Variants in BMPR2 observed in about 807,000 individuals in gnomAD.
BMPR2 encodes bone morphogenetic protein receptor type-2.
BMPR2 carries 29 observed loss-of-function variants against 100.8 expected under a neutral mutation model. That is an observed-to-expected ratio of 0.29 (90% confidence interval 0.21 to 0.39). The LOEUF (loss-of-function observed/expected upper bound fraction) is 0.39, where lower values mean the gene tolerates loss of function less well. BMPR2 is among the 10% of genes least tolerant of loss of function. BMPR2 has a pLI of 1.00. For missense variants in BMPR2, 1,011 were observed against 1,274.5 expected (o/e 0.79, Z 3.15); for synonymous variants, 382 against 442.3 (o/e 0.86, Z 1.71).
At chr2:202,513,877 A>C (rs765914641) in intron 4 of BMPR2, 48 bp downstream of exon 4, 132 of 1,410,504 alleles carry the variant, frequency 9.4e-5, no homozygotes, top group Non-Finnish European at 1.2e-4. Flanking sequence ...CATGCAATTT[A>C]ATCAATTTAT....
chr2:202,526,569 T>C (rs897665213), intron 7 of BMPR2, among the ~76,000 whole-genome samples: 1 of 152,238 alleles, frequency 6.6e-6, no homozygotes, highest in Admixed American at 6.5e-5. Flanking sequence ...TTTAGCACAT[T>C]AACCATTGGA....
chr2:202,486,605 A>G (rs1465183903), intron 3 of BMPR2, among the ~76,000 whole-genome samples: 1 of 151,540 alleles, frequency 6.6e-6, no homozygotes, highest in Non-Finnish European at 1.5e-5. Context: ...GCACCTGGGC[A>G]ATAGAGCAAG....
chr2:202,474,365 A>G (rs528832215), intron 3 of BMPR2, among the ~76,000 whole-genome samples: 1 of 150,430 alleles, frequency 6.6e-6, no homozygotes, highest in South Asian at 2.2e-4. Flanking sequence ...CTGAGGCAGA[A>G]TAATCTCTTG....
chr2:202,436,661 A>G (rs185983173), intron 1 of BMPR2, among the ~76,000 whole-genome samples: 1 of 150,744 alleles, frequency 6.6e-6, no homozygotes, highest in East Asian at 1.9e-4. Flanking sequence ...GGTAGGATGA[A>G]TTCCTGCTTT....
Position 202,564,574 on chromosome 2 carries a change from T to C in BMPR2, c.*4628T>C, listed in dbSNP as rs992529936. ...TGTGCAAACTTTACCCAAAACTATC[T>C]TGCATGATTCCCTCCTAAATATATT... On this transcript the variant is annotated 3_prime_UTR_variant, in exon 13 of 13. Coordinates refer to ENST00000374580, the MANE Select transcript of BMPR2 (RefSeq NM_001204.7). The C allele has an allele frequency of 6.6e-6, 1 of 152,190 alleles. No homozygotes were observed. Among genetic ancestry groups the C allele is most frequent in the Non-Finnish European group, 1.5e-5 (1 of 68,022 alleles). The allele number at this position is 152,190 out of a possible 1,614,324, so 9.4% of individuals were successfully genotyped here.
chr2:202,392,128 T>A (rs1178895355), intron 1 of BMPR2, among the ~76,000 whole-genome samples: 1 of 150,860 alleles, frequency 6.6e-6, no homozygotes, highest in Non-Finnish European at 1.5e-5. Flanking sequence ...TTGAGTACAA[T>A]GGCTCAATCT....
chr2:202,463,808 A>G (rs1243577114), intron 1 of BMPR2, among the ~76,000 whole-genome samples: 14 of 152,204 alleles, frequency 9.2e-5, no homozygotes, highest in Admixed American at 9.2e-4. Flanking sequence ...TCCTTTTAGG[A>G]TAAGTCTATT....
Position 202,377,363 on chromosome 2 carries a change from A to T in BMPR2, c.-112A>T. 1 of 1,010,120 alleles carries T rather than the reference A, an allele frequency of 9.9e-7. No homozygotes were observed. Among genetic ancestry groups the T allele is most frequent in the Non-Finnish European group, 1.6e-6 (1 of 629,106 alleles). The allele number at this position is 1,010,120 out of a possible 1,614,324, so 62.6% of individuals were successfully genotyped here. ...ATTTGTCCTTTCAAACTGTATTGTG[A>T]TACGGGCAGGATCAGTCCACGGGAG... On this transcript the variant is annotated 5_prime_UTR_variant, in exon 1 of 13. The change abolishes the stop of an existing upstream ORF in the 5' untranslated region. Coordinates refer to ENST00000374580, the MANE Select transcript of BMPR2 (RefSeq NM_001204.7).
chr2:202,399,550 T>C (rs560780372), intron 1 of BMPR2, among the ~76,000 whole-genome samples: 6 of 152,338 alleles, frequency 3.9e-5, no homozygotes, highest in Admixed American at 6.5e-5. Context: ...AAATAAGAAA[T>C]GCTTTAGAAA....
intron 1 of BMPR2, among the ~76,000 whole-genome samples, chr2:202,398,324 C>T (rs1341047795): frequency 6.6e-6 from 1 of 151,876 alleles, no homozygotes; most frequent in Non-Finnish European, 1.5e-5. Context: ...TAAAGATTTC[C>T]TTTTGTTTTT....
At chr2:202,409,933 T>C (rs551673675) in intron 1 of BMPR2, among the ~76,000 whole-genome samples, 1 of 152,290 alleles carries the variant, frequency 6.6e-6, no homozygotes, top group African/African-American at 2.4e-5. Context: ...GGACCTAGAA[T>C]TAGGAATACC....
In BMPR2 at chr2:202,519,135, G is replaced by A. The variant is rs1015016141; in HGVS notation, c.852+83G>A. 36 of 1,408,540 alleles carry A rather than the reference G, an allele frequency of 2.6e-5. No homozygotes were observed. The African/African-American group carries it at 4.5e-4, about 18-fold the overall frequency. The allele number at this position is 1,408,540 out of a possible 1,614,324, so 87.3% of individuals were successfully genotyped here. A position where few individuals can be genotyped will look rare whatever the true frequency, so the allele number is the denominator to read the frequency against. On this transcript the variant is annotated intron_variant, in intron 6 of 12. Coordinates refer to ENST00000374580, the MANE Select transcript of BMPR2 (RefSeq NM_001204.7). ...CCAGCACTTTTGGAGGCTAAGGCAG[G>A]TGGATCACTTGAGGCCAAGAGTTCA...
chr2:202,534,994 G>GGCCGGGCGGTTGGCTGACCCCC lies in BMPR2; in HGVS notation c.1276+2262_1276+2263insGCCGGGCGGTTGGCTGACCCCC, dbSNP rs1297426928. ...TGGCCGGGCGGGTGGCTGACCCCCT[G>GGCCGGGCGGTTGGCTGACCCCC]CCACCTCCCTCCCGGACGGGTCGGC... On this transcript the variant is annotated intron_variant, in intron 9 of 12. Coordinates refer to ENST00000374580, the MANE Select transcript of BMPR2 (RefSeq NM_001204.7). Among the ~76,000 whole-genome samples, 2 of 14,244 alleles carry GGCCGGGCGGTTGGCTGACCCCC rather than the reference G, an allele frequency of 1.4e-4. 1 individual carries two copies. The highest frequency in any genetic ancestry group is 4.9e-4 in the African/African-American group (2 of 4,112). 9.3% of individuals were successfully genotyped at this position (14,244 alleles called of 152,430 possible). A position where few individuals can be genotyped will look rare whatever the true frequency, so the allele number is the denominator to read the frequency against.
At chr2:202,424,579 C>T (rs578128913) in intron 1 of BMPR2, among the ~76,000 whole-genome samples, 19 of 151,784 alleles carry the variant, frequency 1.3e-4, no homozygotes, top group African/African-American at 4.6e-4. Flanking sequence ...GCCTGTAATC[C>T]CAGCTACTCT....
rs1380802520 is a variant in BMPR2, at chr2:202,559,855, T to C, written c.3026T>C (p.Val1009Ala). The C allele has an allele frequency of 1.2e-6, 2 of 1,614,002 alleles. No homozygotes were observed. The highest frequency in any genetic ancestry group is 1.7e-6 in the Non-Finnish European group (2 of 1,180,026). The part of the protein sequence containing the change: ...EVNNNGSNRA[V>A]HSKSSTAVYL... The stretch of plus-strand genomic sequence containing the variant: ...AACAATAATGGCAGTAACAGGGCAG[T>C]TCATTCCAAATCCAGCACTGCTGTT... The change falls in exon 13 of 13, where the codon GTT (valine) becomes GCT (alanine). Residue 1009 changes from valine to alanine, a missense_variant. By Grantham distance (64) the Val-to-Ala change is moderately conservative. Coordinates refer to ENST00000374580, the MANE Select transcript of BMPR2 (RefSeq NM_001204.7).
chr2:202,437,397 TTA>T (rs1691636407), intron 1 of BMPR2, among the ~76,000 whole-genome samples: 1 of 150,844 alleles, frequency 6.6e-6, no homozygotes, highest in Non-Finnish European at 1.5e-5. Flanking sequence ...TTAACTTTTT[TTA>T]TGTTATTTTA....
intron 1 of BMPR2, among the ~76,000 whole-genome samples, chr2:202,448,031 C>T (rs1691888208): frequency 6.7e-6 from 1 of 150,366 alleles, no homozygotes; most frequent in African/African-American, 2.5e-5. Context: ...CTTATATTTA[C>T]ACCATTAGAA....
In BMPR2 at chr2:202,503,666, C is replaced by T. The variant is rs1687456689; in HGVS notation, c.419-10053C>T. On this transcript the variant is annotated intron_variant, in intron 3 of 12. Coordinates refer to ENST00000374580, the MANE Select transcript of BMPR2 (RefSeq NM_001204.7). This position sits in a 1 kb window ranked among gnomAD's most constrained non-coding sequence, Gnocchi z 4.0. Reference sequence around the variant, plus strand: ...CTGAGCCTCCCACCCCCTCCATGGGCCCCTGTGCGGCCCGAGCCTCCCTGA... The same window carrying T: ...CTGAGCCTCCCACCCCCTCCATGGGTCCCTGTGCGGCCCGAGCCTCCCTGA... Among the ~76,000 whole-genome samples, 1 of 152,316 alleles carries T rather than the reference C, an allele frequency of 6.6e-6. No homozygotes were observed. The highest frequency in any genetic ancestry group is 1.5e-5 in the Non-Finnish European group (1 of 68,018).
chr2:202,492,574 C>T (rs1406787835), intron 3 of BMPR2, among the ~76,000 whole-genome samples: 2 of 151,610 alleles, frequency 1.3e-5, no homozygotes, highest in Non-Finnish European at 2.9e-5. Context: ...GTGGCAGGCA[C>T]CTCTAATCCC....
Sources: allele counts gnomAD v4.1 joint callset (sites outside exome capture counted in the v4.1 genomes callset), GRCh38; gene constraint gnomAD v4.1.1; non-coding constraint Gnocchi (gnomAD v3.1); transcripts MANE v1.5; gene names NCBI Gene and HGNC (gene_info 2026-07-23, HGNC 2026-07-21).